The following TMOD2 variants were observed in gnomAD, a reference collection of about 807,000 sequenced individuals.
The protein encoded by TMOD2 is tropomodulin 2.
TMOD2 carries 22 observed loss-of-function variants against 39.9 expected under a neutral mutation model. The observed-to-expected ratio is 0.55, with a 90% CI of 0.39 to 0.79. The LOEUF (loss-of-function observed/expected upper bound fraction) is 0.79. Ranked by LOEUF, TMOD2 falls within the 30% of genes least tolerant of loss-of-function variation. TMOD2 has a pLI of 0.00. For missense variants in TMOD2, 386 were observed against 413.3 expected, an observed-to-expected ratio of 0.93 and a Z score of 0.57; for synonymous variants, 123 against 146.1, an observed-to-expected ratio of 0.84 and a Z score of 1.14.
chr15:51,764,018 A>G (rs1019940884), intron 1 of TMOD2, among the ~76,000 whole-genome samples: 3 of 152,100 alleles, frequency 2.0e-5, no homozygotes, highest in Non-Finnish European at 2.9e-5. Flanking sequence ...TATAGGATCC[A>G]ATTGGTTTCT....
chr15:51,760,242 T>A (rs2055771435), intron 1 of TMOD2, among the ~76,000 whole-genome samples: 1 of 152,222 alleles, frequency 6.6e-6, no homozygotes, highest in South Asian at 2.1e-4. Context: ...TTTGTGGAAG[T>A]TAGAAGTCTG....
At chr15:51,752,935 GGTTT>G (rs2055717118) in intron 1 of TMOD2, 2 of 152,170 alleles carry the variant, frequency 1.3e-5, no homozygotes, top group African/African-American at 2.4e-5. Context: ...AAAATGATGG[GGTTT>G]GTTTTTGTCT....
At chr15:51,769,614 C>T (rs1260741278) in intron 3 of TMOD2, among the ~76,000 whole-genome samples, 1 of 152,204 alleles carries the variant, frequency 6.6e-6, no homozygotes, top group Admixed American at 6.5e-5. Flanking sequence ...CTGTGCTCCC[C>T]TTGGGAGGAA....
intron 9 of TMOD2, among the ~76,000 whole-genome samples, chr15:51,807,957 C>G (rs1175216897): frequency 6.6e-6 from 1 of 152,144 alleles, no homozygotes; most frequent in African/African-American, 2.4e-5. Flanking sequence ...TAGGTTGATA[C>G]TTAGAAGTTT....
At chr15:51,789,280 T>C (rs1022224625) in intron 7 of TMOD2, among the ~76,000 whole-genome samples, 5 of 152,082 alleles carry the variant, frequency 3.3e-5, no homozygotes, top group African/African-American at 1.2e-4. Context: ...TACATAATGG[T>C]AAAGGGATCA....
intron 4 of TMOD2, 131 bp downstream of exon 4, chr15:51,773,965 C>T (rs2055870961): frequency 9.5e-7 from 1 of 1,047,866 alleles, no homozygotes; most frequent in Admixed American, 2.6e-5. Context: ...CATTATGGAG[C>T]TGTAAGTCTT....
intron 1 of TMOD2, among the ~76,000 whole-genome samples, chr15:51,755,197 G>A (rs1010705466): frequency 2.6e-5 from 4 of 152,198 alleles, no homozygotes; most frequent in African/African-American, 9.7e-5. Flanking sequence ...TCGTGGTTGT[G>A]TAAAATGAGA....
chr15:51,778,694 A>AC (rs1455493570), intron 5 of TMOD2, among the ~76,000 whole-genome samples: 1 of 112,778 alleles, frequency 8.9e-6, no homozygotes, highest in African/African-American at 3.5e-5. Context: ...TTGCTCTGTC[A>AC]CCCAGGCTGG....
chr15:51,807,818 G>A (rs1368269981), intron 9 of TMOD2, among the ~76,000 whole-genome samples: 2 of 152,186 alleles, frequency 1.3e-5, no homozygotes, highest in African/African-American at 4.8e-5. Context: ...AGTTGGGAGA[G>A]TGAAAGGTGG....
intron 7 of TMOD2, among the ~76,000 whole-genome samples, chr15:51,792,097 A>AG (rs1192172931): frequency 6.6e-6 from 1 of 152,198 alleles, no homozygotes; most frequent in Non-Finnish European, 1.5e-5. Flanking sequence ...GGAGAAAAAA[A>AG]TTTGCAATCT....
At chr15:51,771,352 G>A (rs895103267) in intron 3 of TMOD2, among the ~76,000 whole-genome samples, 9 of 152,218 alleles carry the variant, frequency 5.9e-5, no homozygotes, top group African/African-American at 2.2e-4. Context: ...AACACTATGT[G>A]CTGGCACACC....
intron 8 of TMOD2, among the ~76,000 whole-genome samples, 154 bp downstream of exon 8, chr15:51,798,494 T>C (rs1009149035): frequency 3.9e-5 from 6 of 152,146 alleles, no homozygotes; most frequent in African/African-American, 1.4e-4. Flanking sequence ...TTCTGGCCCA[T>C]GGAGGATGTG....
Position 51,781,093 on chromosome 15 carries a change from T to A in TMOD2, c.543T>A (p.Asn181Lys). 3 of 1,611,984 alleles carry A rather than the reference T, an allele frequency of 1.9e-6. No individual in the cohort carries two copies. The highest frequency in any genetic ancestry group is 1.7e-6 in the Non-Finnish European group (2 of 1,179,472). ...AGCCAGTATTTGAGGAACCACCAAATCCCACAAATGTGGAAATAAGCCTGC... is the reference window on the plus strand; with the variant it reads ...AGCCAGTATTTGAGGAACCACCAAAACCCACAAATGTGGAAATAAGCCTGC... ...KVKPVFEEPPNPTNVEISLQQ... is the reference protein window; with the variant it reads ...KVKPVFEEPPKPTNVEISLQQ... Residue 181 changes from asparagine (N) to lysine (K), a missense_variant, in exon 6 of 10, where the codon AAT becomes AAA. By Grantham distance (94) the Asn-to-Lys change is moderately conservative (BLOSUM62 0). Transcript: ENST00000249700.
intron 7 of TMOD2, chr15:51,784,847 A>G (rs1226560023): frequency 6.6e-6 from 1 of 152,324 alleles, no homozygotes. Flanking sequence ...TCTGTTTCAT[A>G]TATTATTTCG....
At chr15:51,802,477 T>G (rs1249218849) in intron 8 of TMOD2, among the ~76,000 whole-genome samples, 1 of 152,242 alleles carries the variant, frequency 6.6e-6, no homozygotes, top group Non-Finnish European at 1.5e-5. Context: ...GCTGTAAGGA[T>G]GCTGAGCAGA....
At chr15:51,780,708 C>CT (rs1394469674) in intron 5 of TMOD2, among the ~76,000 whole-genome samples, 1 of 152,146 alleles carries the variant, frequency 6.6e-6, no homozygotes, top group Non-Finnish European at 1.5e-5. Flanking sequence ...ATCCTGTAGT[C>CT]TAGTTAGTAT....
chr15:51,788,388 T>C (rs1459777237), intron 7 of TMOD2, among the ~76,000 whole-genome samples: 1 of 152,164 alleles, frequency 6.6e-6, no homozygotes, highest in African/African-American at 2.4e-5. Context: ...AGACCAAATC[T>C]ACGTTTGATT....
intron 1 of TMOD2, among the ~76,000 whole-genome samples, chr15:51,766,150 C>T (rs766125811): frequency 4.6e-5 from 7 of 152,312 alleles, no homozygotes; most frequent in African/African-American, 1.2e-4. Context: ...AATATCGTCA[C>T]GGGCTTCCTC....
chr15:51,814,583 C>T lies in TMOD2; in HGVS notation c.*6129C>T, dbSNP rs1408329311. ...ATGTTGCTTGAATTTAGCTGTCGTC[C>T]AGCCCCACAGAGTTATGCTCCATTT... On this transcript the variant is annotated 3_prime_UTR_variant, in exon 10 of 10. Transcript: ENST00000249700. 1 of 152,130 alleles carries T rather than the reference C, an allele frequency of 6.6e-6. No homozygotes were observed. Among genetic ancestry groups the T allele is most frequent in the Non-Finnish European group, 1.5e-5 (1 of 68,044 alleles). The allele number at this position is 152,130 out of a possible 1,614,324, so 9.4% of individuals were successfully genotyped here. A position where few individuals can be genotyped will look rare whatever the true frequency, so the allele number is the denominator to read the frequency against.
Sources: allele counts gnomAD v4.1 joint callset (sites outside exome capture counted in the v4.1 genomes callset), GRCh38; gene constraint gnomAD v4.1.1; transcripts MANE v1.5; gene names NCBI Gene and HGNC (gene_info 2026-07-23, HGNC 2026-07-21).